PBX3: variants seen among roughly 807,000 people sequenced by gnomAD.
PBX3 encodes PBX homeobox 3, also known as pre-B-cell leukemia transcription factor 3.
Under a neutral mutation model 48.5 loss-of-function variants are expected in PBX3, and 14 were observed. The ratio of observed to expected loss-of-function variants is 0.29; its 90% CI spans 0.19 to 0.45. PBX3 has a LOEUF of 0.45. PBX3 is among the 20% of genes least tolerant of loss of function. PBX3 has a pLI of 1.00. For synonymous variants in PBX3, 210 were observed against 200.3 expected, an observed-to-expected ratio of 1.05 and a Z score of -0.41; for missense variants, 386 against 546.7, an observed-to-expected ratio of 0.71 and a Z score of 2.93.
intron 2 of PBX3, among the ~76,000 whole-genome samples, chr9:125,782,035 G>A (rs1343364853): frequency 3.3e-5 from 5 of 151,496 alleles, no homozygotes; most frequent in Non-Finnish European, 7.4e-5. Context: ...ATTATTATGG[G>A]GATTACAATT....
chr9:125,910,102 A>G (rs1014642574), intron 2 of PBX3, among the ~76,000 whole-genome samples: 1 of 152,194 alleles, frequency 6.6e-6, no homozygotes, highest in Non-Finnish European at 1.5e-5. Flanking sequence ...CAATTTAACC[A>G]TCAGGGGAAA....
At chr9:125,779,174 T>C (rs1837164598) in intron 2 of PBX3, among the ~76,000 whole-genome samples, 1 of 147,954 alleles carries the variant, frequency 6.8e-6, no homozygotes, top group South Asian at 2.2e-4. Flanking sequence ...TCCTTTTGTG[T>C]CTGGCTTATT....
chr9:125,899,238 AATATACATATGTATATATATTTATATAT>A (rs1840853723), intron 2 of PBX3, among the ~76,000 whole-genome samples: 3 of 130,446 alleles, frequency 2.3e-5, no homozygotes, highest in Non-Finnish European at 3.4e-5. Flanking sequence ...TTTATATATA[AATATACATATGTATATATATTTATATAT>A]AAATATACAT....
rs142069915 is a variant in PBX3, at chr9:125,947,023, T to C, written c.843+11416T>C. ...ACAATAAAGACATAATACAATGGAG[T>C]GATATCTTTAAAGTGATGAATCAAA... On this transcript the variant is annotated intron_variant, in intron 5 of 8. Transcript: ENST00000373489. Among the ~76,000 whole-genome samples, 452 of 152,174 alleles carry C rather than the reference T, an allele frequency of 3.0e-3. 14 individuals are homozygous for C. The East Asian group carries it at 0.074, about 25-fold the overall frequency.
At position 125,917,840 on chromosome 9, in the gene PBX3, G is replaced by T. The variant is rs550336295; in HGVS notation, c.516+1913G>T. On this transcript the variant is annotated intron_variant, in intron 3 of 8. Coordinates refer to ENST00000373489, the MANE Select transcript of PBX3 (RefSeq NM_006195.6). ...GATTTTCTGAGATCTAAAATTGTAT[G>T]TCTAGTCTCATTTGTAAGAATAACT... 2.6e-5 allele frequency among the ~76,000 whole-genome samples: 4 copies of T among 152,242 alleles called. No individual in the cohort carries two copies. The East Asian group carries it at 7.7e-4, about 29-fold the overall frequency.
chr9:125,788,059 C>T (rs1837504126), intron 2 of PBX3, among the ~76,000 whole-genome samples: 3 of 152,140 alleles, frequency 2.0e-5, no homozygotes, highest in African/African-American at 7.2e-5. Flanking sequence ...AATCTTGTGC[C>T]AACATTTTAA....
intron 2 of PBX3, among the ~76,000 whole-genome samples, chr9:125,827,930 G>A (rs1473843711): frequency 6.6e-6 from 1 of 152,100 alleles, no homozygotes; most frequent in East Asian, 1.9e-4. Context: ...ATTGCTACCA[G>A]TAATAAGACT....
rs1491533157 is a variant in PBX3 at position 125,899,343 on chromosome 9, GTA to G, written c.275-16337_275-16336del. Among the ~76,000 whole-genome samples the G allele has an allele frequency of 1.7e-4, 16 of 92,236 alleles. 1 individual carries two copies. Among genetic ancestry groups the G allele is most frequent in the African/African-American group, 2.6e-4 (6 of 23,056 alleles). 60.5% of individuals were successfully genotyped at this position (92,236 alleles called of 152,430 possible). A position where few individuals can be genotyped will look rare whatever the true frequency, so the allele number is the denominator to read the frequency against. On this transcript the variant is annotated intron_variant, in intron 2 of 8. Transcript: ENST00000373489. The stretch of plus-strand genomic sequence containing the variant: ...TTTTTATATAAATATATACATATAT[GTA>G]TATATTTTTATATAAATATATACAT...
At chr9:125,914,947 A>G (rs1841292105) in intron 2 of PBX3, among the ~76,000 whole-genome samples, 1 of 152,258 alleles carries the variant, frequency 6.6e-6, no homozygotes, top group South Asian at 2.1e-4. Flanking sequence ...GGCATCACTT[A>G]GGAAGTTCTT....
intron 1 of PBX3, 69 bp downstream of exon 1, chr9:125,747,722 C>A (rs1836233114): frequency 2.4e-6 from 3 of 1,258,484 alleles, no homozygotes; most frequent in Admixed American, 3.0e-5. Flanking sequence ...AGTCGAGGCC[C>A]GGGGTGGCGC....
chr9:125,774,608 T>C (rs946987583), intron 2 of PBX3, among the ~76,000 whole-genome samples: 15 of 152,202 alleles, frequency 9.9e-5, no homozygotes, highest in Non-Finnish European at 1.6e-4. Flanking sequence ...AATATTTCAT[T>C]GTATGGATAT....
chr9:125,778,372 C>T (rs936133923), intron 2 of PBX3, among the ~76,000 whole-genome samples: 17 of 152,052 alleles, frequency 1.1e-4, no homozygotes, highest in Non-Finnish European at 2.1e-4. Context: ...AATTCTCTGC[C>T]TCAGCCTCCC....
chr9:125,785,772 G>A (rs1837441457), intron 2 of PBX3, among the ~76,000 whole-genome samples: 1 of 152,164 alleles, frequency 6.6e-6, no homozygotes, highest in African/African-American at 2.4e-5. Flanking sequence ...AACAAACATA[G>A]TTCTTGAGAA....
chr9:125,892,036 C>G (rs1232980195), intron 2 of PBX3, among the ~76,000 whole-genome samples: 1 of 152,132 alleles, frequency 6.6e-6, no homozygotes, highest in African/African-American at 2.4e-5. Context: ...TCTCCTGCCC[C>G]GGCCTCCCGA....
At chr9:125,859,218 G>A (rs558013181) in intron 2 of PBX3, among the ~76,000 whole-genome samples, 98 of 152,290 alleles carry the variant, frequency 6.4e-4, no homozygotes, top group African/African-American at 2.1e-3. Context: ...TCTTTGAAAG[G>A]ACTTTTTTAA....
intron 2 of PBX3, among the ~76,000 whole-genome samples, chr9:125,873,443 C>G (rs1321359352): frequency 1.3e-5 from 2 of 152,122 alleles, no homozygotes; most frequent in African/African-American, 4.8e-5. Context: ...AAAAACTTAA[C>G]TATGAGTCAA....
chr9:125,777,193 T>C (rs937603267), intron 2 of PBX3, among the ~76,000 whole-genome samples: 2 of 151,830 alleles, frequency 1.3e-5, no homozygotes, highest in Non-Finnish European at 1.5e-5. Context: ...TTTGTACTTT[T>C]AGTAGAGATG....
intron 2 of PBX3, among the ~76,000 whole-genome samples, chr9:125,824,288 C>T (rs1303205620): frequency 6.6e-6 from 1 of 152,002 alleles, no homozygotes; most frequent in Non-Finnish European, 1.5e-5. Context: ...ATGACTGGTC[C>T]GTTTGTGAGT....
intron 2 of PBX3, among the ~76,000 whole-genome samples, chr9:125,898,893 G>T (rs1840838893): frequency 6.6e-6 from 1 of 151,446 alleles, no homozygotes; most frequent in Non-Finnish European, 1.5e-5. Context: ...CTAAATTCAT[G>T]TAAAACATTA....
Sources: gnomAD v4.1 joint callset for allele counts (sites outside exome capture counted in the v4.1 genomes callset) on GRCh38, gnomAD v4.1.1 for gene constraint, MANE v1.5 for transcripts, NCBI Gene and HGNC (gene_info 2026-07-23, HGNC 2026-07-21) for gene names.